Variants in WASF3 observed in about 807,000 individuals in gnomAD.
WASF3 encodes the protein actin-binding protein WASF3.
In WASF3, 11 loss-of-function variants were observed where a neutral mutation model predicts 46.6. The observed-to-expected ratio is 0.24, with a 90% CI of 0.15 to 0.39. The LOEUF is 0.39. Ranked by LOEUF, WASF3 falls within the 10% of genes least tolerant of loss-of-function variation. WASF3 has a pLI of 1.00. For synonymous variants in WASF3, 242 were observed against 259.7 expected (o/e 0.93, Z 0.65); for missense variants, 576 against 669.8 (o/e 0.86, Z 1.55).
At chr13:26,553,772 A>C (rs1435977079), upstream of WASF3, among the ~76,000 whole-genome samples, 5 of 151,164 alleles carry the variant, frequency 3.3e-5, no homozygotes, top group African/African-American at 1.2e-4. Context: ...AGCCGAGATC[A>C]CGCCACTGCA....
chr13:26,568,267 G>A (rs960321874), intron 1 of WASF3, among the ~76,000 whole-genome samples: 3 of 152,116 alleles, frequency 2.0e-5, no homozygotes, highest in African/African-American at 4.8e-5. Context: ...AAAGGTAGAA[G>A]GTGGGTGTCT....
intron 2 of WASF3, among the ~76,000 whole-genome samples, chr13:26,627,082 A>G (rs2137252847): frequency 6.6e-6 from 1 of 152,320 alleles, no homozygotes; most frequent in Admixed American, 6.5e-5. Flanking sequence ...TTTAATTGGA[A>G]GAGTACCAAT....
intron 1 of WASF3, among the ~76,000 whole-genome samples, chr13:26,586,693 A>G (rs1880137462): frequency 6.6e-6 from 1 of 152,190 alleles, no homozygotes; most frequent in Non-Finnish European, 1.5e-5. Flanking sequence ...TTTGTGATCA[A>G]TTCTAAGAGC....
intron 7 of WASF3, 73 bp from the exon 8 acceptor site, chr13:26,680,981 C>A: frequency 6.6e-7 from 1 of 1,521,154 alleles, no homozygotes; most frequent in Non-Finnish European, 8.9e-7. Flanking sequence ...TATTCAAATA[C>A]ATCCATGTGC....
intron 1 of WASF3, among the ~76,000 whole-genome samples, chr13:26,581,549 T>G (rs191764080): frequency 6.6e-6 from 1 of 152,250 alleles, no homozygotes; most frequent in East Asian, 1.9e-4. Context: ...ACTTTCACTT[T>G]TGTTCCAATC....
intron 3 of WASF3, among the ~76,000 whole-genome samples, chr13:26,655,863 C>T (rs2137442526): frequency 6.6e-6 from 1 of 152,188 alleles, no homozygotes; most frequent in African/African-American, 2.4e-5. Flanking sequence ...TGACATCTCC[C>T]CACCAATCTC....
chr13:26,609,096 C>T (rs1244130515), intron 1 of WASF3, among the ~76,000 whole-genome samples: 1 of 152,100 alleles, frequency 6.6e-6, no homozygotes, highest in Non-Finnish European at 1.5e-5. Context: ...CAAATACAAT[C>T]AGATTAGGAT....
Position 26,682,325 on chromosome 13 carries a change from A to C in WASF3, c.984-282A>C, listed in dbSNP as rs1024239597. Among the ~76,000 whole-genome samples the C allele has an allele frequency of 2.0e-5, 3 of 152,230 alleles. No individual in the cohort carries two copies. Among genetic ancestry groups the C allele is most frequent in the Admixed American group, 1.3e-4 (2 of 15,284 alleles). On this transcript the variant is annotated intron_variant, in intron 8 of 9. Coordinates refer to ENST00000335327, the MANE Select transcript of WASF3 (RefSeq NM_006646.6). The surrounding 1 kb of genome is among the most constrained non-coding windows in gnomAD (Gnocchi z 4.4). ...CTGGCGCTGCCGTCCTGGCCTCTGC[A>C]GTCAGCTGCTTTATTCTGCCTTTCT...
At chr13:26,653,671 T>C (rs1205633717) in intron 3 of WASF3, among the ~76,000 whole-genome samples, 1 of 152,204 alleles carries the variant, frequency 6.6e-6, no homozygotes. Context: ...TCCTCAGTGA[T>C]CTTCCCCACT....
the WASF3 span, among the ~76,000 whole-genome samples, chr13:26,541,601 C>A: frequency 1.3e-5 from 2 of 151,954 alleles, no homozygotes; most frequent in Admixed American, 6.6e-5. Context: ...ACACCCTTAG[C>A]CCCAGCTCCT....
intron 1 of WASF3, among the ~76,000 whole-genome samples, chr13:26,589,322 G>A (rs1341045254): frequency 1.3e-5 from 2 of 152,202 alleles, no homozygotes; most frequent in Admixed American, 6.5e-5. Flanking sequence ...GTGGAGTGGA[G>A]GGGGCAGTGC....
intron 3 of WASF3, among the ~76,000 whole-genome samples, chr13:26,649,094 C>A (rs1179904763): frequency 2.0e-5 from 3 of 152,168 alleles, no homozygotes; most frequent in Non-Finnish European, 4.4e-5. Context: ...CTGGTTTTAT[C>A]ATCTCTCTTC....
chr13:26,676,442 CTT>C, intron 6 of WASF3, 105 bp from the exon 7 acceptor site: 1 of 1,237,676 alleles, frequency 8.1e-7, no homozygotes, highest in Middle Eastern at 2.4e-4. Flanking sequence ...GCGAATGTGT[CTT>C]GTCTGTTCAT....
chr13:26,582,181 T>C (rs1331332104), intron 1 of WASF3, among the ~76,000 whole-genome samples: 1 of 152,192 alleles, frequency 6.6e-6, no homozygotes, highest in Non-Finnish European at 1.5e-5. Flanking sequence ...ATACGGATGG[T>C]TCCTGACTAT....
At chr13:26,618,508 C>G (rs1249248815) in intron 2 of WASF3, among the ~76,000 whole-genome samples, 2 of 148,662 alleles carry the variant, frequency 1.3e-5, no homozygotes, top group Admixed American at 1.3e-4. Context: ...CCCCCCGTCT[C>G]TTTCATACAT....
intron 1 of WASF3, among the ~76,000 whole-genome samples, chr13:26,606,222 A>C (rs1267105216): frequency 6.6e-6 from 1 of 152,264 alleles, no homozygotes; most frequent in East Asian, 1.9e-4. Context: ...CTGTAGCCTC[A>C]CAGGAGACAG....
chr13:26,606,351 T>TGTGTGTGC (rs1459296943), intron 1 of WASF3, among the ~76,000 whole-genome samples: 1 of 150,372 alleles, frequency 6.7e-6, no homozygotes, highest in Non-Finnish European at 1.5e-5. Flanking sequence ...TGTGTGTGTG[T>TGTGTGTGC]GTGTGTGTGT....
At chr13:26,649,894 A>T (rs1882261598) in intron 3 of WASF3, among the ~76,000 whole-genome samples, 1 of 151,706 alleles carries the variant, frequency 6.6e-6, no homozygotes, top group Non-Finnish European at 1.5e-5. Flanking sequence ...AGGTGGTGAA[A>T]CCCCGTCTCT....
At chr13:26,545,101 T>TCTC in the WASF3 span, among the ~76,000 whole-genome samples, 1 of 152,070 alleles carries the variant, frequency 6.6e-6, no homozygotes, top group East Asian at 1.9e-4. Flanking sequence ...GCCCCTCCAC[T>TCTC]CTCCACCCCT....
Sources: gnomAD v4.1 joint callset for allele counts (sites outside exome capture counted in the v4.1 genomes callset) on GRCh38, gnomAD v4.1.1 for gene constraint, Gnocchi (gnomAD v3.1) non-coding constraint, MANE v1.5 for transcripts, NCBI Gene and HGNC (gene_info 2026-07-23, HGNC 2026-07-21) for gene names.